CACNA1D: variants seen among roughly 807,000 people sequenced by gnomAD.
CACNA1D encodes the protein voltage-dependent L-type calcium channel subunit alpha-1D.
CACNA1D carries 55 observed loss-of-function variants against 257.1 expected under a neutral mutation model. The ratio of observed to expected loss-of-function variants is 0.21; its 90% confidence interval spans 0.17 to 0.27. The LOEUF is 0.27. Ranked by LOEUF, CACNA1D falls within the 10% of genes least tolerant of loss-of-function variation. The pLI is 1.00. For synonymous variants in CACNA1D, 980 were observed against 1,014.9 expected (o/e 0.97, Z 0.65); for missense variants, 1,876 against 2,784.0 (o/e 0.67, Z 7.34).
intron 45 of CACNA1D, among the ~76,000 whole-genome samples, chr3:53,805,987 CCGTT>C (rs141916018): frequency 0.071 from 3,146 of 44,422 alleles, 19 homozygotes; most frequent in East Asian, 0.21. Flanking sequence ...CCCTCCTCCT[CCGTT>C]CCTCCCTCAT....
intron 3 of CACNA1D, among the ~76,000 whole-genome samples, chr3:53,629,145 G>T (rs1455593528): frequency 6.6e-6 from 1 of 152,220 alleles, no homozygotes; most frequent in Non-Finnish European, 1.5e-5. Context: ...TGGTTGTGTG[G>T]CAGTAAAGCT....
chr3:53,503,378 G>C (rs575896683), intron 3 of CACNA1D, among the ~76,000 whole-genome samples: 1 of 152,340 alleles, frequency 6.6e-6, no homozygotes, highest in East Asian at 1.9e-4. Flanking sequence ...GTGGTGGAAA[G>C]CCTCCCATCA....
In CACNA1D at chr3:53,554,145, A is replaced by G. The variant is rs1252262478; in HGVS notation, c.483+52425A>G. ...CGGGAGGCGGAGCTTGCAGTGAGCC[A>G]AGATGGCACCATTGCACTCCAGCCT... On this transcript the variant is annotated intron_variant, in intron 3 of 47. Coordinates refer to ENST00000350061, the MANE Select transcript of CACNA1D (RefSeq NM_001128840.3). Among the ~76,000 whole-genome samples the G allele has an allele frequency of 3.3e-5, 5 of 151,846 alleles. No individual in the cohort carries two copies. The East Asian group carries it at 7.7e-4, about 24-fold the overall frequency.
At chr3:53,691,293 C>T (rs928559570) in intron 8 of CACNA1D, among the ~76,000 whole-genome samples, 1 of 152,048 alleles carries the variant, frequency 6.6e-6, no homozygotes, top group African/African-American at 2.4e-5. Flanking sequence ...GTGCACACCA[C>T]TACGCCTGGC....
At chr3:53,758,183 C>A (rs1483726326) in intron 29 of CACNA1D, among the ~76,000 whole-genome samples, 1 of 152,178 alleles carries the variant, frequency 6.6e-6, no homozygotes, top group Non-Finnish European at 1.5e-5. Flanking sequence ...TAATTCCCCG[C>A]TTACCTTTGG....
At chr3:53,640,874 G>A (rs1399336148) in intron 3 of CACNA1D, among the ~76,000 whole-genome samples, 1 of 152,182 alleles carries the variant, frequency 6.6e-6, no homozygotes, top group East Asian at 1.9e-4. Flanking sequence ...ATGGCCGGGG[G>A]ATGGGGGTTA....
At chr3:53,776,552 A>G (rs1194482832) in intron 35 of CACNA1D, 51 bp from the exon 36 acceptor site, 2 of 1,612,334 alleles carry the variant, frequency 1.2e-6, no homozygotes, top group Non-Finnish European at 1.7e-6. Context: ...GCTCAGTTCT[A>G]ACGCAATCCA....
intron 3 of CACNA1D, among the ~76,000 whole-genome samples, chr3:53,517,641 A>C (rs1381716481): frequency 1.3e-5 from 2 of 151,682 alleles, no homozygotes; most frequent in Non-Finnish European, 2.9e-5. Context: ...GCGCCACCAC[A>C]CCCAGCTAAT....
chr3:53,669,827 C>T (rs890971303), intron 7 of CACNA1D, among the ~76,000 whole-genome samples: 1 of 152,132 alleles, frequency 6.6e-6, no homozygotes, highest in Admixed American at 6.5e-5. Context: ...CTCACAGAGG[C>T]AGTAGGGTGT....
chr3:53,600,213 T>G (rs1333097039), intron 3 of CACNA1D, among the ~76,000 whole-genome samples: 1 of 152,226 alleles, frequency 6.6e-6, no homozygotes, highest in Non-Finnish European at 1.5e-5. Flanking sequence ...TACTTCTTAT[T>G]TCACCCTTTG....
In CACNA1D at chr3:53,810,230, A is replaced by C. The variant is rs1245504827; in HGVS notation, c.6124A>C (p.Thr2042Pro). 1 of 1,613,974 alleles carries C rather than the reference A, an allele frequency of 6.2e-7. No homozygotes were observed. Among genetic ancestry groups the C allele is most frequent in the Admixed American group, 1.7e-5 (1 of 60,028 alleles). Reference sequence around the variant, plus strand: ...CCGGACTTTCACACCAGCCAGCCTGACTGTCCCCAGCAGCTTCCGGAACAA... The same window carrying C: ...CCGGACTTTCACACCAGCCAGCCTGCCTGTCCCCAGCAGCTTCCGGAACAA... ...SYRTFTPASL[T>P]VPSSFRNKNS... The change falls in exon 47 of 48, where the codon ACT (threonine) becomes CCT (proline). Residue 2042 changes from threonine (T) to proline (P), a missense_variant. Thr to Pro is a conservative substitution (Grantham distance 38). Around this residue, in one of 10 missense-constraint regions of CACNA1D, gnomAD observed 491 missense variants for 554.3 expected, o/e 0.89. Coordinates refer to ENST00000350061, the MANE Select transcript of CACNA1D (RefSeq NM_001128840.3).
At chr3:53,680,234 A>G (rs1340592336) in intron 8 of CACNA1D, among the ~76,000 whole-genome samples, 2 of 152,214 alleles carry the variant, frequency 1.3e-5, no homozygotes, top group African/African-American at 2.4e-5. Context: ...GTTTCCATCA[A>G]GCTGACGTCT....
chr3:53,798,302 T>G (rs2095517142), intron 40 of CACNA1D, among the ~76,000 whole-genome samples: 1 of 102,040 alleles, frequency 9.8e-6, no homozygotes, highest in African/African-American at 2.8e-5. Context: ...AGTGTGTGTA[T>G]GTGTGCGTGT....
chr3:53,771,144 C>T (rs563855669), intron 32 of CACNA1D, among the ~76,000 whole-genome samples: 1 of 152,282 alleles, frequency 6.6e-6, no homozygotes, highest in East Asian at 1.9e-4. Flanking sequence ...TTTTCCCGTA[C>T]CTGCCAGTAC....
intron 8 of CACNA1D, among the ~76,000 whole-genome samples, chr3:53,681,834 A>G (rs373595008): frequency 6.6e-6 from 1 of 152,356 alleles, no homozygotes; most frequent in African/African-American, 2.4e-5. Context: ...TGAGTAGTCC[A>G]CATATCCAGG....
At chr3:53,574,602 T>G (rs1006415926) in intron 3 of CACNA1D, among the ~76,000 whole-genome samples, 4 of 152,204 alleles carry the variant, frequency 2.6e-5, no homozygotes, top group Non-Finnish European at 5.9e-5. Context: ...AAGTCCATCC[T>G]TGCGAGCACT....
chr3:53,798,306 T>TGCGC (rs4026493), intron 40 of CACNA1D, among the ~76,000 whole-genome samples: 1 of 125,658 alleles, frequency 8.0e-6, no homozygotes, highest in South Asian at 2.5e-4. Flanking sequence ...TGTGTATGTG[T>TGCGC]GCGTGTGTGT....
intron 3 of CACNA1D, among the ~76,000 whole-genome samples, chr3:53,636,191 C>CTT (rs1176943878): frequency 6.6e-6 from 1 of 152,136 alleles, no homozygotes. Context: ...AGATTATCGA[C>CTT]TTCTAGAGTT....
intron 9 of CACNA1D, among the ~76,000 whole-genome samples, chr3:53,707,650 T>G (rs1385182371): frequency 6.6e-6 from 1 of 152,224 alleles, no homozygotes; most frequent in African/African-American, 2.4e-5. Flanking sequence ...TTCAAGTTTC[T>G]TAAGAAACCC....
Sources: gnomAD v4.1 joint callset for allele counts (sites outside exome capture counted in the v4.1 genomes callset) on GRCh38, gnomAD v4.1.1 for gene constraint, gnomAD v4.1.1 regional missense constraint, MANE v1.5 for transcripts, NCBI Gene and HGNC (gene_info 2026-07-23, HGNC 2026-07-21) for gene names.